The following DCAF12 variants were observed in gnomAD, a reference collection of about 807,000 sequenced individuals.
The protein encoded by DCAF12 is DDB1- and CUL4-associated factor 12.
In DCAF12, 28 loss-of-function variants were observed where a neutral mutation model predicts 52.8. The ratio of observed to expected loss-of-function variants is 0.53; its 90% CI spans 0.39 to 0.73. The LOEUF (loss-of-function observed/expected upper bound fraction) is 0.73. Among genes scored for constraint, DCAF12 ranks in the 30% least tolerant of loss-of-function variants. The pLI is 0.00. For synonymous variants in DCAF12, 196 were observed against 215.5 expected (o/e 0.91, Z 0.79); for missense variants, 425 against 552.2 (o/e 0.77, Z 2.31).
intron 1 of DCAF12, chr9:34,125,518 A>C: frequency 1.7e-6 from 1 of 603,722 alleles, no homozygotes; most frequent in Non-Finnish European, 3.1e-6. Flanking sequence ...CAAGGGAATG[A>C]ATGCAGAATA....
chr9:34,120,494 A>T (rs1046672496), intron 2 of DCAF12, among the ~76,000 whole-genome samples: 12 of 151,530 alleles, frequency 7.9e-5, no homozygotes, highest in African/African-American at 2.9e-4. Context: ...AGCATGGTGA[A>T]ACCCCGTCTC....
chr9:34,092,875 C>T (rs975304317), intron 7 of DCAF12, among the ~76,000 whole-genome samples: 1 of 151,994 alleles, frequency 6.6e-6, no homozygotes, highest in African/African-American at 2.4e-5. Flanking sequence ...GACAGAATTT[C>T]GCGCTCATTG....
intron 2 of DCAF12, 135 bp downstream of exon 2, chr9:34,124,888 C>T: frequency 5.2e-6 from 6 of 1,143,540 alleles, no homozygotes; most frequent in South Asian, 1.6e-5. Flanking sequence ...AAGTCACCAA[C>T]GGGAAAGAAT....
chr9:34,112,663 C>T (rs1587739060), intron 2 of DCAF12, among the ~76,000 whole-genome samples: 1 of 152,096 alleles, frequency 6.6e-6, no homozygotes, highest in South Asian at 2.1e-4. Flanking sequence ...CTTTGGGAGG[C>T]CGAGGAGGGC....
At chr9:34,125,692 G>C (rs563510455) in intron 1 of DCAF12, 42 of 407,492 alleles carry the variant, frequency 1.0e-4, no homozygotes, top group African/African-American at 8.7e-4. Flanking sequence ...CAAGGAGCCA[G>C]ACCTGGCTCC....
intron 2 of DCAF12, among the ~76,000 whole-genome samples, chr9:34,114,057 G>A (rs1251472494): frequency 6.6e-6 from 1 of 151,450 alleles, no homozygotes; most frequent in Admixed American, 6.6e-5. Flanking sequence ...GCAGTGAGCC[G>A]AGATCATGCC....
At chr9:34,100,389 G>A (rs552108969) in intron 4 of DCAF12, among the ~76,000 whole-genome samples, 14 of 151,518 alleles carry the variant, frequency 9.2e-5, no homozygotes, top group Admixed American at 1.3e-4. Flanking sequence ...TAGTAGAGAC[G>A]GGGTTTCACT....
chr9:34,090,464 G>C (rs1473278404), intron 7 of DCAF12, among the ~76,000 whole-genome samples: 1 of 152,114 alleles, frequency 6.6e-6, no homozygotes, highest in Non-Finnish European at 1.5e-5. Flanking sequence ...AATTACTTTA[G>C]ATCACAAGGA....
intron 4 of DCAF12, among the ~76,000 whole-genome samples, chr9:34,105,683 A>C (rs995619004): frequency 6.6e-6 from 1 of 152,122 alleles, no homozygotes; most frequent in Non-Finnish European, 1.5e-5. Context: ...AAAAGTGGTT[A>C]TCTCTGGATA....
In DCAF12 at chr9:34,106,508, G is replaced by A; in HGVS notation, c.541-14C>T. The A allele has an allele frequency of 6.2e-7, 1 of 1,605,386 alleles. No individual in the cohort carries two copies. The highest frequency in any genetic ancestry group is 8.5e-7 in the Non-Finnish European group (1 of 1,173,638). Reference sequence around the variant, plus strand: ...CTTGTGTCCATCCTTGGAGAGCAGGGAGTAACAGGTACAGGGAGGAAAATA... The same window carrying A: ...CTTGTGTCCATCCTTGGAGAGCAGGAAGTAACAGGTACAGGGAGGAAAATA... On this transcript the variant is annotated splice_polypyrimidine_tract_variant and intron_variant, in intron 3 of 8. Transcript: ENST00000361264.
At chr9:34,110,467 C>T (rs1247646303) in intron 2 of DCAF12, among the ~76,000 whole-genome samples, 1 of 152,114 alleles carries the variant, frequency 6.6e-6, no homozygotes, top group African/African-American at 2.4e-5. Context: ...CAGGCAACAC[C>T]GCTATCAAAA....
At chr9:34,092,092 T>C (rs1382393053) in intron 7 of DCAF12, among the ~76,000 whole-genome samples, 8 of 152,218 alleles carry the variant, frequency 5.3e-5, no homozygotes. Flanking sequence ...GAGAATATGT[T>C]ATAAAAGATT....
chr9:34,098,189 T>A (rs2131429369), intron 5 of DCAF12, 135 bp downstream of exon 5: 1 of 893,570 alleles, frequency 1.1e-6, no homozygotes, highest in East Asian at 2.5e-5. Context: ...CCAGCATCAC[T>A]CAGCCTTTAA....
rs927541783 is a variant in DCAF12 at position 34,093,439 on chromosome 9, T to C, written c.871A>G (p.Thr291Ala). Residue 291 changes from threonine (T) to alanine (A), a missense_variant, in exon 7 of 9, where the codon ACC becomes GCC. Around this residue, in one of 3 missense-constraint regions of DCAF12, gnomAD observed 328 missense variants for 444.4 expected, o/e 0.74. Coordinates refer to ENST00000361264, the MANE Select transcript of DCAF12 (RefSeq NM_015397.4). ...TTCTCACGGCAATATGGCAGTTTGG[T>C]GGAGAGGAGCTGAAAATAGAGGAGA... ...AENTLSKLLSTKLPYCRENVC... is the reference protein window; with the variant it reads ...AENTLSKLLSAKLPYCRENVC... 19 of 1,613,736 alleles carry C rather than the reference T, an allele frequency of 1.2e-5. No individual in the cohort carries two copies. The highest frequency in any genetic ancestry group is 2.2e-5 in the East Asian group (1 of 44,860).
chr9:34,101,736 T>G (rs1828832930), intron 4 of DCAF12, among the ~76,000 whole-genome samples: 1 of 151,892 alleles, frequency 6.6e-6, no homozygotes, highest in Non-Finnish European at 1.5e-5. Context: ...CGTTCTTTAT[T>G]AAGAATTACT....
chr9:34,095,292 C>T (rs1186501993), intron 6 of DCAF12, among the ~76,000 whole-genome samples: 1 of 150,586 alleles, frequency 6.6e-6, no homozygotes, highest in African/African-American at 2.4e-5. Flanking sequence ...CCAGCATGGT[C>T]TCAATCTCTT....
chr9:34,101,277 T>C (rs1245734582), intron 4 of DCAF12, among the ~76,000 whole-genome samples: 1 of 151,980 alleles, frequency 6.6e-6, no homozygotes, highest in African/African-American at 2.4e-5. Flanking sequence ...GGGGTCTCAC[T>C]ATGTTACCCA....
Position 34,088,319 on chromosome 9 carries a change from A to G in DCAF12, c.*31T>C. ...AACAAGGAAACTGAGAATGGAAGTT[A>G]GTGTAAATCTCTGCATTTGGGGAGT... On this transcript the variant is annotated 3_prime_UTR_variant, in exon 9 of 9. Transcript: ENST00000361264. The G allele has an allele frequency of 6.7e-7, 1 of 1,501,072 alleles. No homozygotes were observed. The highest frequency in any genetic ancestry group is 8.9e-7 in the Non-Finnish European group (1 of 1,128,128). The allele number at this position is 1,501,072 out of a possible 1,614,324, so 93.0% of individuals were successfully genotyped here. A position where few individuals can be genotyped will look rare whatever the true frequency, so the allele number is the denominator to read the frequency against.
intron 2 of DCAF12, among the ~76,000 whole-genome samples, chr9:34,124,052 T>C (rs1829211986): frequency 6.6e-6 from 1 of 152,186 alleles, no homozygotes; most frequent in Admixed American, 6.5e-5. Context: ...CATGGTATTA[T>C]TTCCTTCCTT....
Sources: gnomAD v4.1 joint callset for allele counts (sites outside exome capture counted in the v4.1 genomes callset) on GRCh38, gnomAD v4.1.1 for gene constraint, gnomAD v4.1.1 regional missense constraint, MANE v1.5 for transcripts, NCBI Gene and HGNC (gene_info 2026-07-23, HGNC 2026-07-21) for gene names.